The following FAM216A variants were observed in gnomAD, a reference collection of about 807,000 sequenced individuals.
FAM216A encodes protein FAM216A.
FAM216A carries 26 observed loss-of-function variants against 37.6 expected under a neutral mutation model. That is an observed-to-expected ratio of 0.69 (90% CI 0.51 to 0.96). The LOEUF is 0.96. Ranked by LOEUF, FAM216A falls within the 40% of genes least tolerant of loss-of-function variation. The probability of loss-of-function intolerance (pLI) is 0.00; values close to 1 mark genes in which losing one functional copy is unlikely to be tolerated. For synonymous variants in FAM216A, 110 were observed against 121.7 expected, an observed-to-expected ratio of 0.90 and a Z score of 0.64; for missense variants, 326 against 339.3, an observed-to-expected ratio of 0.96 and a Z score of 0.31.
At chr12:110,479,844 A>C (rs1335795675) in intron 2 of FAM216A, among the ~76,000 whole-genome samples, 5 of 151,426 alleles carry the variant, frequency 3.3e-5, no homozygotes, top group Admixed American at 6.6e-5. Flanking sequence ...CTAAAAAAAA[A>C]CCCAAAAAAA....
intron 2 of FAM216A, among the ~76,000 whole-genome samples, chr12:110,482,088 T>TTC (rs36110183): frequency 0.035 from 3,329 of 95,314 alleles, 52 homozygotes; most frequent in Middle Eastern, 0.067. Flanking sequence ...ACTATATACT[T>TTC]TTTTTTTTTT....
At chr12:110,475,721 CAA>C (rs112122723) in intron 2 of FAM216A, among the ~76,000 whole-genome samples, 1,007 of 96,950 alleles carry the variant, frequency 0.01, 3 homozygotes, top group Non-Finnish European at 0.015. Flanking sequence ...TCACCCCTGG[CAA>C]AAAAAAAAAA....
intron 6 of FAM216A, among the ~76,000 whole-genome samples, chr12:110,488,347 G>C (rs1292072908): frequency 1.1e-4 from 17 of 150,380 alleles, no homozygotes; most frequent in African/African-American, 3.9e-4. Flanking sequence ...GGAGGCGGAG[G>C]TTGGAGTGAG....
Position 110,486,551 on chromosome 12 carries a change from A to G in FAM216A, c.454A>G (p.Arg152Gly), listed in dbSNP as rs2062777821. ...SQKPGVLTHH[R>G]SRLSSRYSQK... Reference sequence around the variant, plus strand: ...TATCACAGGTGTCCTCACTCATCACAGAAGCCGCCTTAGCTCCCGTTACTC... The same window carrying G: ...TATCACAGGTGTCCTCACTCATCACGGAAGCCGCCTTAGCTCCCGTTACTC... The change falls in exon 5 of 7, where the codon AGA (arginine) becomes GGA (glycine). Residue 152 changes from arginine to glycine, a missense_variant. Physicochemically the swap from Arg to Gly is moderately radical, Grantham distance 125 (BLOSUM62 -2). Coordinates refer to ENST00000377673, the MANE Select transcript of FAM216A (RefSeq NM_013300.3). 3 of 1,613,578 alleles carry G rather than the reference A, an allele frequency of 1.9e-6. No homozygotes were observed. Among genetic ancestry groups the G allele is most frequent in the Non-Finnish European group, 1.7e-6 (2 of 1,179,594 alleles).
At chr12:110,471,035 G>A (rs1213837243) in intron 1 of FAM216A, among the ~76,000 whole-genome samples, 1 of 152,052 alleles carries the variant, frequency 6.6e-6, no homozygotes, top group Non-Finnish European at 1.5e-5. Context: ...AATCTGAAAG[G>A]GGAAGTGATC....
intron 1 of FAM216A, among the ~76,000 whole-genome samples, chr12:110,471,436 A>G (rs901069006): frequency 1.3e-5 from 2 of 152,214 alleles, no homozygotes; most frequent in Non-Finnish European, 2.9e-5. Flanking sequence ...TACACAAATT[A>G]AAGTCTTACT....
In FAM216A at chr12:110,479,178, A is replaced by T. The variant is rs1233708176; in HGVS notation, c.185-5900A>T. On this transcript the variant is annotated intron_variant, in intron 2 of 6. Coordinates refer to ENST00000377673, the MANE Select transcript of FAM216A (RefSeq NM_013300.3). ...GACTCTGTCTCAAAAAAAAAAAAAA[A>T]TTATATATTTAAAGTAGAGAAGAGT... is the stretch of plus-strand genomic sequence containing the variant. Among the ~76,000 whole-genome samples the T allele has an allele frequency of 3.3e-5, 5 of 151,628 alleles. No homozygotes were observed. The East Asian group carries it at 7.7e-4, about 23-fold the overall frequency.
chr12:110,481,848 A>C (rs2062748831), intron 2 of FAM216A, among the ~76,000 whole-genome samples: 1 of 152,208 alleles, frequency 6.6e-6, no homozygotes, highest in Non-Finnish European at 1.5e-5. Flanking sequence ...AAAAACTTTT[A>C]AAAATCTTAA....
intron 2 of FAM216A, among the ~76,000 whole-genome samples, chr12:110,482,847 C>T (rs1454187695): frequency 6.6e-6 from 1 of 151,034 alleles, no homozygotes; most frequent in African/African-American, 2.4e-5. Context: ...CTATTTGTTA[C>T]ATGTGACATG....
intron 2 of FAM216A, among the ~76,000 whole-genome samples, chr12:110,481,627 T>C (rs536284756): frequency 3.4e-4 from 52 of 151,996 alleles, no homozygotes; most frequent in African/African-American, 1.1e-3. Flanking sequence ...CCTCCCAAGG[T>C]ACTGGGGTTA....
chr12:110,477,900 G>C (rs890548568), intron 2 of FAM216A, among the ~76,000 whole-genome samples: 1 of 151,528 alleles, frequency 6.6e-6, no homozygotes, highest in African/African-American at 2.4e-5. Context: ...GTAGAGACGG[G>C]GTTTCACCAT....
intron 2 of FAM216A, among the ~76,000 whole-genome samples, chr12:110,481,878 C>T (rs749921582): frequency 1.3e-5 from 2 of 152,078 alleles, no homozygotes; most frequent in African/African-American, 2.4e-5. Flanking sequence ...CATATTATTA[C>T]AGATTATAAG....
chr12:110,471,074 G>T (rs1423046989), intron 1 of FAM216A, among the ~76,000 whole-genome samples: 1 of 151,870 alleles, frequency 6.6e-6, no homozygotes, highest in Non-Finnish European at 1.5e-5. Context: ...TAACTAATGG[G>T]AACTCCGGAA....
chr12:110,486,873 AGAC>A, intron 5 of FAM216A, 156 bp downstream of exon 5: 1 of 654,258 alleles, frequency 1.5e-6, no homozygotes, highest in Non-Finnish European at 2.5e-6. Flanking sequence ...CTCCTGCCTC[AGAC>A]TCCCAAGTAG....
At chr12:110,469,053 A>ATGGGGCCCCCGGGTCG in intron 1 of FAM216A, 35 bp downstream of exon 1, 1 of 1,397,400 alleles carries the variant, frequency 7.2e-7, no homozygotes, top group Non-Finnish European at 9.3e-7. Flanking sequence ...GGGTGGCAGC[A>ATGGGGCCCCCGGGTCG]TGGGGCCCCC....
rs558016550 is a variant in FAM216A, at chr12:110,471,208, C to T, written c.144-1870C>T. Reference sequence around the variant, plus strand: ...CTCCCAGGTTCAAGCGATTCTCCTGCCTCCTGAGTAGCTGGGACTACAGGC... The same window carrying T: ...CTCCCAGGTTCAAGCGATTCTCCTGTCTCCTGAGTAGCTGGGACTACAGGC... On this transcript the variant is annotated intron_variant, in intron 1 of 6. Coordinates refer to ENST00000377673, the MANE Select transcript of FAM216A (RefSeq NM_013300.3). Among the ~76,000 whole-genome samples, 53 of 152,148 alleles carry T rather than the reference C, an allele frequency of 3.5e-4. 1 individual carries two copies. The highest frequency in any genetic ancestry group is 1.2e-3 in the African/African-American group (48 of 41,526).
chr12:110,485,209 CAG>C lies in FAM216A; in HGVS notation c.306+11_306+12del, dbSNP rs753939820. On this transcript the variant is annotated intron_variant, in intron 3 of 6. Transcript: ENST00000377673. The stretch of plus-strand genomic sequence containing the variant: ...GGCGTCCTTTTTCAAGGTATGCTAA[CAG>C]GGACATATTTAAATACCAATACTCT... The C allele has an allele frequency of 1.4e-4, 221 of 1,598,546 alleles. No homozygotes were observed. Among genetic ancestry groups the C allele is most frequent in the Non-Finnish European group, 1.8e-4 (215 of 1,175,516 alleles).
chr12:110,470,581 A>T (rs2062680472), intron 1 of FAM216A, among the ~76,000 whole-genome samples: 1 of 150,624 alleles, frequency 6.6e-6, no homozygotes, highest in Admixed American at 6.6e-5. Context: ...GTGTTCAAGC[A>T]ATTCTCCTGC....
At chr12:110,470,251 A>G (rs2062676275) in intron 1 of FAM216A, among the ~76,000 whole-genome samples, 1 of 151,680 alleles carries the variant, frequency 6.6e-6, no homozygotes, top group African/African-American at 2.4e-5. Context: ...AGCGCCTGCC[A>G]CCACGCCCGG....
Sources: gnomAD v4.1 joint callset for allele counts (sites outside exome capture counted in the v4.1 genomes callset) on GRCh38, gnomAD v4.1.1 for gene constraint, MANE v1.5 for transcripts, NCBI Gene and HGNC (gene_info 2026-07-23, HGNC 2026-07-21) for gene names.